Variants in PTDSS2 observed in about 807,000 individuals in gnomAD.
PTDSS2 encodes PSS-2.
Under a neutral mutation model 64.7 loss-of-function variants are expected in PTDSS2, and 41 were observed. The ratio of observed to expected loss-of-function variants is 0.63; its 90% CI spans 0.49 to 0.82. The LOEUF (loss-of-function observed/expected upper bound fraction) is 0.82, where lower values mean the gene tolerates loss of function less well. Among genes scored for constraint, PTDSS2 ranks in the 40% least tolerant of loss-of-function variants. The pLI is 0.00. For synonymous variants in PTDSS2, 297 were observed against 277.8 expected (o/e 1.07, Z -0.69); for missense variants, 485 against 650.0 (o/e 0.75, Z 2.76).
At chr11:481,973 G>C (rs1848090590) in intron 4 of PTDSS2, among the ~76,000 whole-genome samples, 1 of 151,002 alleles carries the variant, frequency 6.6e-6, no homozygotes, top group African/African-American at 2.4e-5. Context: ...CTCCCGAGTA[G>C]CTGGGATTAC....
At chr11:458,331 A>G (rs1332707961) in intron 1 of PTDSS2, among the ~76,000 whole-genome samples, 1 of 150,034 alleles carries the variant, frequency 6.7e-6, no homozygotes, top group Non-Finnish European at 1.5e-5. Context: ...CAGCCTCCCG[A>G]GTAGCTGGGA....
chr11:488,633 C>A lies in PTDSS2; in HGVS notation c.840C>A (p.Asn280Lys). 6.2e-7 allele frequency: 1 copy of A among 1,610,936 alleles called. No homozygotes were observed. The highest frequency in any genetic ancestry group is 8.5e-7 in the Non-Finnish European group (1 of 1,178,044). Residue 280 changes from asparagine to lysine, a missense_variant, in exon 8 of 12, where the codon AAC (asparagine) becomes AAA (lysine). This residue lies in a region of PTDSS2 where 15 missense variants were observed against 44.7 expected (regional missense o/e 0.34). Coordinates refer to ENST00000308020, the MANE Select transcript of PTDSS2 (RefSeq NM_030783.3). Reference protein sequence around the residue: ...LKTYKWQGLWNIPTYKGKMKR... With the variant: ...LKTYKWQGLWKIPTYKGKMKR... ...CGTACAAGTGGCAGGGCCTCTGGAA[C>A]ATTCCGACCTACAAGTACGTCGTGG...
intron 4 of PTDSS2, among the ~76,000 whole-genome samples, chr11:484,145 C>CA (rs1848193347): frequency 6.6e-6 from 1 of 152,188 alleles, no homozygotes; most frequent in East Asian, 1.9e-4. Flanking sequence ...CTTACACTTG[C>CA]ATATTTATTT....
chr11:452,566 A>G (rs1180069608), intron 1 of PTDSS2, among the ~76,000 whole-genome samples: 1 of 152,186 alleles, frequency 6.6e-6, no homozygotes, highest in Non-Finnish European at 1.5e-5. Flanking sequence ...AGGGCTCTCC[A>G]GGAGCGGGTG....
intron 2 of PTDSS2, among the ~76,000 whole-genome samples, chr11:473,403 C>G (rs1213131380): frequency 6.6e-6 from 1 of 152,220 alleles, no homozygotes; most frequent in African/African-American, 2.4e-5. Flanking sequence ...CTGACGCCTT[C>G]CCTCCTACGT....
intron 11 of PTDSS2, among the ~76,000 whole-genome samples, 172 bp from the exon 12 acceptor site, chr11:490,248 G>T (rs1848611467): frequency 6.6e-6 from 1 of 152,180 alleles, no homozygotes; most frequent in African/African-American, 2.4e-5. Context: ...TGCACTGACA[G>T]ATCCAGGCTC....
At chr11:448,424 G>C (rs1396743940), upstream of PTDSS2, 1 of 152,424 alleles carries the variant, frequency 6.6e-6, no homozygotes, top group Non-Finnish European at 1.5e-5. Context: ...TGGAATGTGA[G>C]CGCCACCTGC....
In PTDSS2 at chr11:450,566, C is replaced by T; in HGVS notation, c.111C>T (p.Ala37=). 8.0e-7 allele frequency: 1 copy of T among 1,243,256 alleles called. No individual in the cohort carries two copies. The highest frequency in any genetic ancestry group is 1.0e-6 in the Non-Finnish European group (1 of 986,192). The allele number at this position is 1,243,256 out of a possible 1,614,324, so 77.0% of individuals were successfully genotyped here. The part of the protein sequence containing the change: ...EPPDGPSAGQ[A]TGPGEGRRST... The stretch of plus-strand genomic sequence containing the variant: ...CTGACGGGCCGTCTGCCGGCCAAGC[C>T]ACCGGGCCGGGCGAGGGCCGCCGCA... The change falls in exon 1 of 12, where the codon GCC becomes GCT. Residue 37 remains alanine (A), a synonymous_variant. Transcript: ENST00000308020.
intron 2 of PTDSS2, among the ~76,000 whole-genome samples, chr11:469,916 C>T (rs923809964): frequency 6.6e-6 from 1 of 152,052 alleles, no homozygotes; most frequent in South Asian, 2.1e-4. Context: ...CTCCCAGTGG[C>T]CAAAGAGCAA....
intron 2 of PTDSS2, chr11:463,173 A>AG (rs1267592046): frequency 1.3e-5 from 2 of 152,048 alleles, no homozygotes; most frequent in African/African-American, 2.4e-5. Context: ...TCAAAAAAAA[A>AG]AAAAGAAAAG....
chr11:457,378 C>T (rs1190023946), intron 1 of PTDSS2, among the ~76,000 whole-genome samples: 1 of 152,252 alleles, frequency 6.6e-6, no homozygotes, highest in Non-Finnish European at 1.5e-5. Flanking sequence ...GTGTGGGTGA[C>T]AGCAGATGGG....
In PTDSS2 at chr11:489,309, G is replaced by C. The variant is rs531838072; in HGVS notation, c.855-91G>C. The C allele has an allele frequency of 3.7e-6, 4 of 1,093,262 alleles. No individual in the cohort carries two copies. In the African/African-American group the frequency reaches 6.2e-5, roughly 17 times the overall value. 67.7% of individuals were successfully genotyped at this position (1,093,262 alleles called of 1,614,324 possible). ...AGCTCGTCCGATGGCACAGGGCGGG[G>C]CCGGGTGACCAGGAACAGTCTGTTG... On this transcript the variant is annotated intron_variant, in intron 8 of 11. Coordinates refer to ENST00000308020, the MANE Select transcript of PTDSS2 (RefSeq NM_030783.3).
At chr11:455,689 C>G (rs1846556404) in intron 1 of PTDSS2, among the ~76,000 whole-genome samples, 1 of 152,246 alleles carries the variant, frequency 6.6e-6, no homozygotes, top group East Asian at 1.9e-4. Flanking sequence ...TTGCTATGGT[C>G]TCCGGAGATG....
chr11:453,423 C>T (rs1590601449), intron 1 of PTDSS2, among the ~76,000 whole-genome samples: 1 of 152,290 alleles, frequency 6.6e-6, no homozygotes, highest in African/African-American at 2.4e-5. Context: ...CTAACCAGTT[C>T]CCGAGCTGGG....
rs544770948 is a variant in PTDSS2, at chr11:490,834, G to A, written c.*252G>A. 18 of 534,152 alleles carry A rather than the reference G, an allele frequency of 3.4e-5. No individual in the cohort carries two copies. The highest frequency in any genetic ancestry group is 1.4e-4 in the African/African-American group (7 of 51,804). The allele number at this position is 534,152 out of a possible 1,614,324, so 33.1% of individuals were successfully genotyped here. A position where few individuals can be genotyped will look rare whatever the true frequency, so the allele number is the denominator to read the frequency against. The stretch of plus-strand genomic sequence containing the variant: ...CGCGCGTGTGTACACATGCGTGGCC[G>A]CCTGTGGTGTGCACGTGTGCTCTGG... On this transcript the variant is annotated 3_prime_UTR_variant, in exon 12 of 12. Coordinates refer to ENST00000308020, the MANE Select transcript of PTDSS2 (RefSeq NM_030783.3).
At chr11:465,758 C>CCCG (rs1554950101) in intron 2 of PTDSS2, among the ~76,000 whole-genome samples, 3 of 150,738 alleles carry the variant, frequency 2.0e-5, no homozygotes, top group African/African-American at 7.4e-5. Context: ...GGACCACCCC[C>CCCG]CCCCCATCTC....
intron 1 of PTDSS2, among the ~76,000 whole-genome samples, chr11:455,667 C>T (rs1040876387): frequency 1.3e-5 from 2 of 152,252 alleles, no homozygotes; most frequent in South Asian, 2.1e-4. Context: ...GCTTGCTCCT[C>T]GCGCTCCCTT....
At chr11:451,431 A>G in intron 1 of PTDSS2, 2 of 444,604 alleles carry the variant, frequency 4.5e-6, no homozygotes, top group Non-Finnish European at 9.1e-6. Flanking sequence ...TGTGAGAAGG[A>G]TCAAGCCGTC....
intron 8 of PTDSS2, 82 bp downstream of exon 8, chr11:488,729 G>A (rs1376473416): frequency 1.1e-5 from 11 of 1,018,674 alleles, no homozygotes; most frequent in Admixed American, 1.7e-5. Flanking sequence ...AGCAGACCCC[G>A]AGCACCAGGC....
Sources: allele counts gnomAD v4.1 joint callset (sites outside exome capture counted in the v4.1 genomes callset), GRCh38; gene constraint gnomAD v4.1.1; regional missense constraint gnomAD v4.1.1; transcripts MANE v1.5; gene names NCBI Gene and HGNC (gene_info 2026-07-23, HGNC 2026-07-21).